The following CDK8 variants were observed in gnomAD, a reference collection of about 807,000 sequenced individuals.
The protein encoded by CDK8 is cyclin dependent kinase 8.
Under a neutral mutation model 71.5 loss-of-function variants are expected in CDK8, and 29 were observed. That is an observed-to-expected ratio of 0.41 (90% confidence interval 0.30 to 0.55). CDK8 has a LOEUF of 0.55. Among genes scored for constraint, CDK8 ranks in the 20% least tolerant of loss-of-function variants. CDK8 has a pLI of 0.37. For synonymous variants in CDK8, 161 were observed against 192.1 expected (o/e 0.84, Z 1.34); for missense variants, 288 against 572.6 (o/e 0.50, Z 5.07).
chr13:26,313,703 T>C (rs1248724051), intron 1 of CDK8, among the ~76,000 whole-genome samples: 1 of 152,098 alleles, frequency 6.6e-6, no homozygotes, highest in Non-Finnish European at 1.5e-5. Context: ...AGAGATTGAG[T>C]GATGTCATGA....
chr13:26,333,178 C>T (rs1872831820), intron 1 of CDK8, among the ~76,000 whole-genome samples: 1 of 151,678 alleles, frequency 6.6e-6, no homozygotes, highest in Admixed American at 6.6e-5. Flanking sequence ...TCGCTCTCAT[C>T]CCCCAGGCTG....
chr13:26,258,092 A>G (rs932313209), intron 1 of CDK8, among the ~76,000 whole-genome samples: 5 of 152,178 alleles, frequency 3.3e-5, no homozygotes, highest in Admixed American at 2.0e-4. Flanking sequence ...CACAAGAAGT[A>G]TATCAAGTCA....
chr13:26,400,203 G>A (rs1045437445), intron 9 of CDK8: 1 of 408,636 alleles, frequency 2.4e-6, no homozygotes, highest in Non-Finnish European at 4.4e-6. Context: ...GATAATGGGG[G>A]TGGGGATCCA....
intron 8 of CDK8, 40 bp downstream of exon 8, chr13:26,396,394 T>C (rs1565998982): frequency 1.1e-6 from 1 of 949,526 alleles, no homozygotes; most frequent in Non-Finnish European, 1.6e-6. Context: ...GATTTTTGCT[T>C]TACCAGAATA....
At chr13:26,303,671 T>C (rs182000182) in intron 1 of CDK8, among the ~76,000 whole-genome samples, 3 of 152,316 alleles carry the variant, frequency 2.0e-5, no homozygotes, top group Non-Finnish European at 4.4e-5. Flanking sequence ...ATAGAAAACA[T>C]TTATGATTTC....
intron 6 of CDK8, among the ~76,000 whole-genome samples, chr13:26,387,749 C>T (rs896494722): frequency 6.6e-6 from 1 of 152,214 alleles, no homozygotes; most frequent in African/African-American, 2.4e-5. Flanking sequence ...TTCTAGGTCT[C>T]CACATGGCCA....
At chr13:26,328,919 C>T (rs1875156664) in intron 1 of CDK8, among the ~76,000 whole-genome samples, 1 of 152,162 alleles carries the variant, frequency 6.6e-6, no homozygotes, top group Non-Finnish European at 1.5e-5. Context: ...TTCCATTCAG[C>T]CATTTCTACT....
chr13:26,364,989 T>C (rs1874321158), intron 4 of CDK8, among the ~76,000 whole-genome samples: 1 of 152,056 alleles, frequency 6.6e-6, no homozygotes, highest in African/African-American at 2.4e-5. Flanking sequence ...GTTGGGAACC[T>C]GTTAAGCGTG....
intron 3 of CDK8, among the ~76,000 whole-genome samples, chr13:26,349,984 T>G (rs1873620520): frequency 6.6e-6 from 1 of 152,208 alleles, no homozygotes; most frequent in African/African-American, 2.4e-5. Flanking sequence ...ACACACTTAT[T>G]TACTATTGTG....
intron 4 of CDK8, among the ~76,000 whole-genome samples, chr13:26,378,934 A>G (rs1478303435): frequency 6.6e-6 from 1 of 152,234 alleles, no homozygotes; most frequent in Non-Finnish European, 1.5e-5. Context: ...AACAAAAATT[A>G]TTCATCAAGT....
intron 1 of CDK8, among the ~76,000 whole-genome samples, chr13:26,315,070 G>C (rs970787556): frequency 6.6e-6 from 1 of 151,642 alleles, no homozygotes; most frequent in Non-Finnish European, 1.5e-5. Flanking sequence ...TTACATTCTG[G>C]GATTAGTCTA....
chr13:26,349,597 G>A (rs1873602666), intron 3 of CDK8, among the ~76,000 whole-genome samples: 1 of 152,140 alleles, frequency 6.6e-6, no homozygotes, highest in Non-Finnish European at 1.5e-5. Context: ...TGCTATCTTT[G>A]GAGAGATCTA....
At chr13:26,323,210 T>C (rs946216738) in intron 1 of CDK8, among the ~76,000 whole-genome samples, 1 of 151,978 alleles carries the variant, frequency 6.6e-6, no homozygotes, top group Non-Finnish European at 1.5e-5. Flanking sequence ...GTTCTGGAAG[T>C]TGTAAAATCC....
intron 2 of CDK8, among the ~76,000 whole-genome samples, chr13:26,339,085 C>T (rs755947765): frequency 1.3e-5 from 2 of 152,028 alleles, no homozygotes; most frequent in African/African-American, 2.4e-5. Flanking sequence ...TTTTAATGTA[C>T]TTGATCATGG....
chr13:26,306,616 A>G (rs946336511), intron 1 of CDK8, among the ~76,000 whole-genome samples: 30 of 124,876 alleles, frequency 2.4e-4, no homozygotes, highest in African/African-American at 8.7e-4. Flanking sequence ...TTTGCCCCTT[A>G]TTGCTCTTTT....
intron 1 of CDK8, among the ~76,000 whole-genome samples, chr13:26,272,430 C>A (rs9507695): frequency 0.17 from 25,757 of 152,104 alleles, 3,811 homozygotes; most frequent in African/African-American, 0.41. Context: ...ATCTTGTCCC[C>A]CTGGAAGGTC....
chr13:26,281,861 C>A (rs1221595611), intron 1 of CDK8, among the ~76,000 whole-genome samples: 2 of 151,340 alleles, frequency 1.3e-5, no homozygotes, highest in Non-Finnish European at 2.9e-5. Flanking sequence ...AAATAAATAT[C>A]ATAAAGAAAA....
At chr13:26,317,675 A>G (rs1874574786) in intron 1 of CDK8, among the ~76,000 whole-genome samples, 2 of 152,328 alleles carry the variant, frequency 1.3e-5, no homozygotes, top group South Asian at 2.1e-4. Flanking sequence ...AAATTACACA[A>G]CACACTCTTT....
At chr13:26,290,009 AAT>A (rs1437655610) in intron 1 of CDK8, among the ~76,000 whole-genome samples, 3 of 152,228 alleles carry the variant, frequency 2.0e-5, no homozygotes, top group African/African-American at 7.2e-5. Context: ...AGAAGTCACA[AAT>A]ATTTGATGTA....
Sources: allele counts gnomAD v4.1 joint callset (sites outside exome capture counted in the v4.1 genomes callset), GRCh38; gene constraint gnomAD v4.1.1; transcripts MANE v1.5; gene names NCBI Gene and HGNC (gene_info 2026-07-23, HGNC 2026-07-21).